The following MYH9 variants were observed in gnomAD, a reference collection of about 807,000 sequenced individuals.
MYH9 encodes myosin heavy chain 9.
Under a neutral mutation model 241.9 loss-of-function variants are expected in MYH9, and 29 were observed. The ratio of observed to expected loss-of-function variants is 0.12; its 90% CI spans 0.09 to 0.16. The LOEUF is 0.16. Among genes scored for constraint, MYH9 ranks in the 10% least tolerant of loss-of-function variants. MYH9 has a pLI of 1.00. For synonymous variants in MYH9, 1,047 were observed against 1,062.6 expected (o/e 0.99, Z 0.29); for missense variants, 1,803 against 2,595.5 (o/e 0.69, Z 6.63).
At chr22:36,326,113 G>A (rs1036165030) in intron 5 of MYH9, among the ~76,000 whole-genome samples, 2 of 152,134 alleles carry the variant, frequency 1.3e-5, no homozygotes, top group Admixed American at 1.3e-4. Context: ...TGCCCTTTCT[G>A]TCTTCGCTGG....
rs201676960 is a variant in MYH9 at position 36,284,279 on chromosome 22, C to T, written c.5593-14G>A. The T allele has an allele frequency of 8.0e-5, 128 of 1,606,966 alleles. No homozygotes were observed. The highest frequency in any genetic ancestry group is 1.0e-4 in the Non-Finnish European group (118 of 1,178,676). On this transcript the variant is annotated splice_polypyrimidine_tract_variant and intron_variant, in intron 39 of 40. Coordinates refer to ENST00000216181, the MANE Select transcript of MYH9 (RefSeq NM_002473.6). ...TGCCTTGTCGGCCTGCGGAGATGGA[C>T]GTGTGGCCCGTGGCCCCGGTTAGGG...
At chr22:36,354,445 C>A (rs1426898994) in intron 1 of MYH9, among the ~76,000 whole-genome samples, 2 of 148,560 alleles carry the variant, frequency 1.3e-5, no homozygotes, top group African/African-American at 2.5e-5. Flanking sequence ...ATCTAGTATA[C>A]CATCTTTATT....
At chr22:36,375,651 T>A (rs1289737866) in intron 1 of MYH9, among the ~76,000 whole-genome samples, 3 of 152,116 alleles carry the variant, frequency 2.0e-5, no homozygotes, top group Non-Finnish European at 4.4e-5. Context: ...AGTCTCCCCA[T>A]CTGCAAAATG....
chr22:36,317,814 T>A (rs983991347), intron 11 of MYH9, among the ~76,000 whole-genome samples: 1 of 152,218 alleles, frequency 6.6e-6, no homozygotes, highest in Non-Finnish European at 1.5e-5. Flanking sequence ...AAACAGCCGC[T>A]TGGCACAGGC....
intron 1 of MYH9, among the ~76,000 whole-genome samples, chr22:36,375,551 G>A (rs1569537148): frequency 1.3e-5 from 2 of 152,208 alleles, no homozygotes; most frequent in East Asian, 3.8e-4. Flanking sequence ...ACCACTCACC[G>A]CCAAGTGAGG....
intron 27 of MYH9, 70 bp downstream of exon 27, chr22:36,294,862 T>G: frequency 1.9e-6 from 3 of 1,596,494 alleles, no homozygotes; most frequent in Non-Finnish European, 2.6e-6. Flanking sequence ...TCTGCAGGAC[T>G]GGTTTGGATT....
chr22:36,309,236 C>T (rs755640846), intron 15 of MYH9, 46 bp downstream of exon 15: 3 of 1,526,926 alleles, frequency 2.0e-6, no homozygotes, highest in Non-Finnish European at 1.8e-6. Flanking sequence ...GGAAGATGAC[C>T]AGCCGCAGCC....
At chr22:36,342,559 T>C (rs1423032117) in intron 2 of MYH9, among the ~76,000 whole-genome samples, 2 of 152,074 alleles carry the variant, frequency 1.3e-5, no homozygotes, top group Non-Finnish European at 2.9e-5. Context: ...AAATATACTT[T>C]ACCTTGTGAC....
Position 36,288,153 on chromosome 22 carries a change from C to G in MYH9, c.4932+99G>C, listed in dbSNP as rs1298665440. The G allele has an allele frequency of 6.8e-7, 1 of 1,479,610 alleles. No homozygotes were observed. The highest frequency in any genetic ancestry group is 9.3e-7 in the Non-Finnish European group (1 of 1,073,126). 91.7% of individuals were successfully genotyped at this position (1,479,610 alleles called of 1,614,324 possible). A position where few individuals can be genotyped will look rare whatever the true frequency, so the allele number is the denominator to read the frequency against. On this transcript the variant is annotated intron_variant, in intron 34 of 40. Transcript: ENST00000216181. This position sits in a 1 kb window ranked among gnomAD's most constrained non-coding sequence, Gnocchi z 4.8. Reference sequence around the variant, plus strand: ...CCAGGACCTTCCCAGGAGGTGCCACCCTGCCAGGTTCCCGCCCTGGGCCGA... The same window carrying G: ...CCAGGACCTTCCCAGGAGGTGCCACGCTGCCAGGTTCCCGCCCTGGGCCGA...
chr22:36,371,800 G>T (rs966347768), intron 1 of MYH9, among the ~76,000 whole-genome samples: 29 of 152,130 alleles, frequency 1.9e-4, no homozygotes, highest in African/African-American at 6.3e-4. Context: ...CTCCCAAAGT[G>T]CTGGGATTAC....
chr22:36,285,118 T>C lies in MYH9; in HGVS notation c.5483+3A>G. On this transcript the variant is annotated splice_donor_region_variant and intron_variant, in intron 38 of 40. Coordinates refer to ENST00000216181, the MANE Select transcript of MYH9 (RefSeq NM_002473.6). The surrounding 1 kb of genome is among the most constrained non-coding windows in gnomAD (Gnocchi z 7.0). ...GGGGTTGGGCGGGGCCAGGGGCACG[T>C]ACTTGGTCTCGTTGTCCAGCTGCTC... 2 of 1,613,742 alleles carry C rather than the reference T, an allele frequency of 1.2e-6. No homozygotes were observed. The highest frequency in any genetic ancestry group is 1.7e-6 in the Non-Finnish European group (2 of 1,180,000).
chr22:36,298,368 C>T (rs2016821216), intron 24 of MYH9, among the ~76,000 whole-genome samples: 1 of 152,146 alleles, frequency 6.6e-6, no homozygotes, highest in Non-Finnish European at 1.5e-5. Flanking sequence ...AGAGACAAGG[C>T]AGGATTTGTC....
intron 25 of MYH9, among the ~76,000 whole-genome samples, chr22:36,296,540 CTTTTTTTTTTTT>C (rs67917055): frequency 9.9e-6 from 1 of 100,890 alleles, no homozygotes; most frequent in South Asian, 3.4e-4. Flanking sequence ...CTGGTCAAGT[CTTTTTTTTTTTT>C]TTTTTTTTTT....
rs1325092099 is a variant in MYH9 at position 36,387,419 on chromosome 22, G to A, written c.-20+388C>T. ...GTCCCAGGGGCCGCGGCTCCCGGAA[G>A]GGGTTAAAAAGTTTGCCCGAGTCGG... On this transcript the variant is annotated intron_variant, in intron 1 of 40. Coordinates refer to ENST00000216181, the MANE Select transcript of MYH9 (RefSeq NM_002473.6). Among the ~76,000 whole-genome samples the A allele has an allele frequency of 2.0e-5, 3 of 152,204 alleles. No homozygotes were observed. In the East Asian group the frequency reaches 5.8e-4, roughly 29 times the overall value.
chr22:36,312,232 G>A lies in MYH9; in HGVS notation c.1555-10C>T. ...TGCCCGGGGGGCCTGCCTGGAGGAA[G>A]CGCAGCATCAGCACAGGTGAGTGCA... On this transcript the variant is annotated splice_polypyrimidine_tract_variant and intron_variant, in intron 13 of 40. Coordinates refer to ENST00000216181, the MANE Select transcript of MYH9 (RefSeq NM_002473.6). The A allele has an allele frequency of 6.2e-7, 1 of 1,613,898 alleles. No individual in the cohort carries two copies. Among genetic ancestry groups the A allele is most frequent in the Non-Finnish European group, 8.5e-7 (1 of 1,180,008 alleles).
chr22:36,313,275 C>T (rs1353008311), intron 13 of MYH9, among the ~76,000 whole-genome samples: 2 of 151,520 alleles, frequency 1.3e-5, no homozygotes, highest in African/African-American at 4.9e-5. Flanking sequence ...CACGGTGAAA[C>T]TCCGCCTCCA....
intron 1 of MYH9, among the ~76,000 whole-genome samples, chr22:36,349,617 CTACTCG>C (rs2017735265): frequency 1.3e-5 from 2 of 152,264 alleles, no homozygotes; most frequent in Middle Eastern, 3.4e-3. Context: ...GTCATCCTAG[CTACTCG>C]GGAGGCTGAG....
At chr22:36,308,771 C>G in intron 15 of MYH9, 2 of 968,716 alleles carry the variant, frequency 2.1e-6, no homozygotes, top group Non-Finnish European at 2.5e-6. Flanking sequence ...TTGGACGCAC[C>G]ACACACACAA....
rs1467617632 is a variant in MYH9 at position 36,330,561 on chromosome 22, T to C, written c.491-3073A>G. On this transcript the variant is annotated intron_variant, in intron 3 of 40. Transcript: ENST00000216181. This position sits in a 1 kb window ranked among gnomAD's most constrained non-coding sequence, Gnocchi z 4.5. ...TCTCAGAGGCATCTCTTCTGGGCAG[T>C]GGGGTGGTTAGAATTCTTAGCAACC... Among the ~76,000 whole-genome samples, 1 of 152,174 alleles carries C rather than the reference T, an allele frequency of 6.6e-6. No individual in the cohort carries two copies. Among genetic ancestry groups the C allele is most frequent in the East Asian group, 1.9e-4 (1 of 5,194 alleles).
Sources: allele counts gnomAD v4.1 joint callset (sites outside exome capture counted in the v4.1 genomes callset), GRCh38; gene constraint gnomAD v4.1.1; non-coding constraint Gnocchi (gnomAD v3.1); transcripts MANE v1.5; gene names NCBI Gene and HGNC (gene_info 2026-07-23, HGNC 2026-07-21).